Variants in SFMBT1 observed in about 807,000 individuals in gnomAD.
The protein encoded by SFMBT1 is scm-like with four MBT domains protein 1.
In SFMBT1, 32 loss-of-function variants were observed where a neutral mutation model predicts 108.7. That is an observed-to-expected ratio of 0.29 (90% CI 0.22 to 0.40). SFMBT1 has a LOEUF of 0.40. SFMBT1 is among the 10% of genes least tolerant of loss of function. SFMBT1 has a pLI of 1.00. For missense variants in SFMBT1, 816 were observed against 1,059.6 expected (o/e 0.77, Z 3.19); for synonymous variants, 348 against 369.5 (o/e 0.94, Z 0.67).
chr3:52,995,855 T>A (rs1698308893), intron 1 of SFMBT1, among the ~76,000 whole-genome samples: 1 of 149,530 alleles, frequency 6.7e-6, no homozygotes, highest in African/African-American at 2.4e-5. Flanking sequence ...GTGGATCACC[T>A]CAGGTCAGGA....
chr3:52,910,285 G>A lies in SFMBT1; in HGVS notation c.1906+718C>T, dbSNP rs146141798. 3.3e-3 allele frequency among the ~76,000 whole-genome samples: 503 copies of A among 152,204 alleles called. 5 individuals carry two copies. Among genetic ancestry groups the A allele is most frequent in the African/African-American group, 0.011 (457 of 41,506 alleles). On this transcript the variant is annotated intron_variant, in intron 17 of 20. Coordinates refer to ENST00000394752, the MANE Select transcript of SFMBT1 (RefSeq NM_016329.4). The stretch of plus-strand genomic sequence containing the variant: ...GTTTTCTTTATTGTTGTATCCCAGT[G>A]CTAGAGCAGCATAAGCACACAATGA...
At chr3:52,983,082 T>TA (rs1222532478) in intron 1 of SFMBT1, among the ~76,000 whole-genome samples, 1 of 152,154 alleles carries the variant, frequency 6.6e-6, no homozygotes, top group Admixed American at 6.5e-5. Context: ...TCTGAAAAGT[T>TA]ACACCACGTG....
intron 2 of SFMBT1, among the ~76,000 whole-genome samples, chr3:52,966,004 T>TCA (rs1704126313): frequency 4.8e-5 from 1 of 21,040 alleles, no homozygotes; most frequent in Non-Finnish European, 8.0e-5. Flanking sequence ...AGACTCCGTT[T>TCA]CAAAAAAAAA....
At chr3:53,005,195 T>C (rs757974755) in intron 1 of SFMBT1, among the ~76,000 whole-genome samples, 2 of 152,324 alleles carry the variant, frequency 1.3e-5, no homozygotes, top group African/African-American at 2.4e-5. Flanking sequence ...GAGCATGTCA[T>C]GCCAGTTGGA....
chr3:52,949,309 T>C (rs1032359543), intron 3 of SFMBT1, among the ~76,000 whole-genome samples: 6 of 152,204 alleles, frequency 3.9e-5, no homozygotes, highest in African/African-American at 9.7e-5. Flanking sequence ...AGTCTATAGA[T>C]GTCCATTATA....
At chr3:52,931,164 A>G (rs1329317143) in intron 6 of SFMBT1, 129 bp from the exon 7 acceptor site, 8 of 737,140 alleles carry the variant, frequency 1.1e-5, no homozygotes, top group Admixed American at 2.5e-5. Flanking sequence ...AAGCCCACTT[A>G]TATCCCTTTA....
chr3:53,038,115 T>A (rs1699923416), intron 1 of SFMBT1, among the ~76,000 whole-genome samples: 4 of 151,308 alleles, frequency 2.6e-5, no homozygotes, highest in South Asian at 4.2e-4. Context: ...AAAAAAAAAA[T>A]GTTTTAAAAA....
At chr3:52,956,840 C>T (rs1403851409) in intron 2 of SFMBT1, among the ~76,000 whole-genome samples, 2 of 152,056 alleles carry the variant, frequency 1.3e-5, no homozygotes, top group African/African-American at 4.8e-5. Context: ...TAATAAGAGC[C>T]ATTTATGACA....
chr3:53,019,023 C>T (rs546211075), intron 1 of SFMBT1: 1 of 152,318 alleles, frequency 6.6e-6, no homozygotes, highest in African/African-American at 2.4e-5. Context: ...ATTATCGATA[C>T]TCATACCTGT....
At chr3:53,000,452 T>C (rs1388695112) in intron 1 of SFMBT1, among the ~76,000 whole-genome samples, 4 of 150,052 alleles carry the variant, frequency 2.7e-5, no homozygotes, top group Non-Finnish European at 6.0e-5. Flanking sequence ...CACAATTACA[T>C]TAGGAAAATG....
chr3:52,954,351 C>G lies in SFMBT1; in HGVS notation c.89G>C (p.Gly30Ala). 5.6e-6 allele frequency: 9 copies of G among 1,613,714 alleles called. No homozygotes were observed. The East Asian group carries it at 6.7e-5, about 12-fold the overall frequency. The change falls in exon 3 of 21, where the codon GGG (glycine) becomes GCG (alanine). Residue 30 changes from glycine (G) to alanine (A), a missense_variant. Physicochemically the swap from Gly to Ala is moderately conservative, Grantham distance 60. Coordinates refer to ENST00000394752, the MANE Select transcript of SFMBT1 (RefSeq NM_016329.4). ...AGACCCATAGGGAACTGCTGTGGAC[C>G]CTGTTTCTTCTAGATAATCTTCCCA... ...LSWEDYLEET[G>A]STAVPYGSFK... is the part of the protein sequence containing the mutation.
In SFMBT1 at chr3:53,003,921, A is replaced by G. The variant is rs959976276; in HGVS notation, c.-130-34663T>C. 5.3e-5 allele frequency among the ~76,000 whole-genome samples: 8 copies of G among 150,084 alleles called. 1 individual carries two copies. Among genetic ancestry groups the G allele is most frequent in the Non-Finnish European group, 1.2e-4 (8 of 67,036 alleles). On this transcript the variant is annotated intron_variant, in intron 1 of 20. Coordinates refer to ENST00000394752, the MANE Select transcript of SFMBT1 (RefSeq NM_016329.4). ...AATACTTAACAAGTATGGAATGACT[A>G]TAAGATCATCACCATTAGCTAGATA...
chr3:52,964,065 T>G (rs1299281550), intron 2 of SFMBT1, among the ~76,000 whole-genome samples: 1 of 152,174 alleles, frequency 6.6e-6, no homozygotes, highest in Non-Finnish European at 1.5e-5. Context: ...TTGCCCCAGC[T>G]GGCCTTGAAT....
In SFMBT1 at chr3:52,953,859, G is replaced by A. The variant is rs556636301; in HGVS notation, c.123+458C>T. Among the ~76,000 whole-genome samples, 6 of 152,328 alleles carry A rather than the reference G, an allele frequency of 3.9e-5. No individual in the cohort carries two copies. The East Asian group carries it at 1.2e-3, about 29-fold the overall frequency. ...AATATGGCAAGTGTGACCAGGCACA[G>A]TGGCTCATGCCTGTAATCCCAGCAC... On this transcript the variant is annotated intron_variant, in intron 3 of 20. Coordinates refer to ENST00000394752, the MANE Select transcript of SFMBT1 (RefSeq NM_016329.4).
At chr3:52,966,327 GA>G (rs1052340462) in intron 2 of SFMBT1, among the ~76,000 whole-genome samples, 22 of 57,202 alleles carry the variant, frequency 3.8e-4, no homozygotes, top group South Asian at 5.7e-4. Flanking sequence ...CGTCTCAAAA[GA>G]AAAAAAAAAG....
intron 1 of SFMBT1, among the ~76,000 whole-genome samples, chr3:53,036,901 G>A (rs1450351648): frequency 6.6e-6 from 1 of 152,116 alleles, no homozygotes; most frequent in African/African-American, 2.4e-5. Context: ...AAGTGGATTG[G>A]CTAGGGAGCA....
At chr3:52,905,994 AAT>A in intron 20 of SFMBT1, 117 bp downstream of exon 20, 1 of 1,181,720 alleles carries the variant, frequency 8.5e-7, no homozygotes, top group Non-Finnish European at 1.2e-6. Flanking sequence ...GAATTAAGAC[AAT>A]TCTTGTCTTT....
At chr3:52,961,154 A>G (rs556562385) in intron 2 of SFMBT1, among the ~76,000 whole-genome samples, 6 of 152,214 alleles carry the variant, frequency 3.9e-5, no homozygotes, top group African/African-American at 1.4e-4. Flanking sequence ...TCTGACACAT[A>G]CTACAACATT....
At chr3:52,939,814 T>C (rs2106809192) in intron 4 of SFMBT1, among the ~76,000 whole-genome samples, 1 of 152,224 alleles carries the variant, frequency 6.6e-6, no homozygotes, top group African/African-American at 2.4e-5. Context: ...CTCATTCCTG[T>C]GCTCATTTTA....
Sources: gnomAD v4.1 joint callset for allele counts (sites outside exome capture counted in the v4.1 genomes callset) on GRCh38, gnomAD v4.1.1 for gene constraint, MANE v1.5 for transcripts, NCBI Gene and HGNC (gene_info 2026-07-23, HGNC 2026-07-21) for gene names.